The following MPHOSPH9 variants were observed in gnomAD, a reference collection of about 807,000 sequenced individuals.
MPHOSPH9 encodes the protein M-phase phosphoprotein 9.
Under a neutral mutation model 145.5 loss-of-function variants are expected in MPHOSPH9, and 88 were observed. The ratio of observed to expected loss-of-function variants is 0.60; its 90% CI spans 0.51 to 0.72. The LOEUF (loss-of-function observed/expected upper bound fraction) is 0.72, where lower values mean the gene tolerates loss of function less well. MPHOSPH9 is among the 30% of genes least tolerant of loss of function. The pLI is 0.00. For synonymous variants in MPHOSPH9, 435 were observed against 486.2 expected (o/e 0.89, Z 1.39); for missense variants, 1,238 against 1,386.6 (o/e 0.89, Z 1.70).
intron 16 of MPHOSPH9, among the ~76,000 whole-genome samples, chr12:123,168,626 G>T (rs550767913): frequency 6.6e-6 from 1 of 152,032 alleles, no homozygotes; most frequent in South Asian, 2.1e-4. Context: ...ACAGGTGTGC[G>T]CCAACGCACC....
upstream of MPHOSPH9, among the ~76,000 whole-genome samples, chr12:123,235,195 T>G (rs2047825540): frequency 6.6e-6 from 1 of 152,208 alleles, no homozygotes; most frequent in African/African-American, 2.4e-5. Context: ...TGTATGATTT[T>G]GTTCGCACTC....
rs1367039368 is a variant in MPHOSPH9, at chr12:123,166,745, G to T, written c.2501C>A (p.Pro834Gln). ...AGTAAAGATGGAATACTCTGCACCT[G>T]GAATCAGCCATTTCCGCCTGCTGAC... ...SDVSRRKWLI[P>Q]GAEYSIFTGQ... The change falls in exon 17 of 24, where the codon CCA (proline) becomes CAA (glutamine). Residue 834 changes from proline (P) to glutamine (Q), a missense_variant. Around this residue, in one of 3 missense-constraint regions of MPHOSPH9, gnomAD observed 393 missense variants for 462.5 expected, o/e 0.85. Coordinates refer to ENST00000606320, the MANE Select transcript of MPHOSPH9 (RefSeq NM_022782.4). 1 of 1,613,968 alleles carries T rather than the reference G, an allele frequency of 6.2e-7. No homozygotes were observed.
chr12:123,168,135 A>C (rs921268667), intron 16 of MPHOSPH9, among the ~76,000 whole-genome samples: 6 of 152,018 alleles, frequency 3.9e-5, no homozygotes, highest in African/African-American at 1.4e-4. Flanking sequence ...ATCTACCCTG[A>C]AGTCCACACT....
At chr12:123,162,278 C>A in intron 20 of MPHOSPH9, 60 bp from the exon 21 acceptor site, 1 of 882,564 alleles carries the variant, frequency 1.1e-6, no homozygotes, top group Non-Finnish European at 1.7e-6. Context: ...TCCCTATCTC[C>A]ACTACAAAGA....
intron 11 of MPHOSPH9, among the ~76,000 whole-genome samples, chr12:123,200,326 G>A (rs1331936177): frequency 6.6e-6 from 1 of 150,982 alleles, no homozygotes; most frequent in African/African-American, 2.4e-5. Context: ...CCATAAGCCA[G>A]ATCAAATCTT....
At chr12:123,237,017 G>A (rs938701137), upstream of MPHOSPH9, among the ~76,000 whole-genome samples, 2 of 152,030 alleles carry the variant, frequency 1.3e-5, no homozygotes, top group South Asian at 2.1e-4. Flanking sequence ...TCTGGAAGGC[G>A]GAGGTTGCAG....
At chr12:123,206,184 C>T in intron 8 of MPHOSPH9, among the ~76,000 whole-genome samples, 1 of 151,948 alleles carries the variant, frequency 6.6e-6, no homozygotes, top group South Asian at 2.1e-4. Flanking sequence ...CATAGTGGTT[C>T]ACATTTGTAA....
intron 16 of MPHOSPH9, among the ~76,000 whole-genome samples, chr12:123,168,401 G>A (rs1017321945): frequency 2.0e-5 from 3 of 151,080 alleles, no homozygotes; most frequent in Non-Finnish European, 4.4e-5. Context: ...GAGTACGGTG[G>A]CGTGATCTCG....
At chr12:123,223,236 AT>A in intron 3 of MPHOSPH9, 109 bp from the exon 4 acceptor site, 1 of 596,790 alleles carries the variant, frequency 1.7e-6, no homozygotes, top group Non-Finnish European at 2.6e-6. Flanking sequence ...TCCATCCCAA[AT>A]CCCAAGAGCC....
At chr12:123,195,160 A>G (rs913796317) in intron 12 of MPHOSPH9, among the ~76,000 whole-genome samples, 3 of 152,160 alleles carry the variant, frequency 2.0e-5, no homozygotes, top group Admixed American at 1.3e-4. Context: ...TAGCTCCTAC[A>G]GTTCACTTTA....
chr12:123,219,460 G>A (rs1013506026), intron 5 of MPHOSPH9, among the ~76,000 whole-genome samples: 2 of 150,840 alleles, frequency 1.3e-5, no homozygotes, highest in African/African-American at 4.9e-5. Flanking sequence ...GGCTGAGGCA[G>A]GAGAATGGCG....
Position 123,224,105 on chromosome 12 carries a change from C to T in MPHOSPH9, c.259-978G>A, listed in dbSNP as rs553477192. 3.1e-5 allele frequency among the ~76,000 whole-genome samples: 4 copies of T among 128,500 alleles called. No individual in the cohort carries two copies. The East Asian group carries it at 1.2e-3, about 39-fold the overall frequency. The allele number at this position is 128,500 out of a possible 152,430, so 84.3% of individuals were successfully genotyped here. On this transcript the variant is annotated intron_variant, in intron 3 of 23. Coordinates refer to ENST00000606320, the MANE Select transcript of MPHOSPH9 (RefSeq NM_022782.4). ...ATGTGTCACCATGTTCGGCTAATTG[C>T]TAATTTATATATATATATATACACA...
At chr12:123,193,108 T>TACAC (rs4044136) in intron 13 of MPHOSPH9, among the ~76,000 whole-genome samples, 2,329 of 94,862 alleles carry the variant, frequency 0.025, 108 homozygotes, top group African/African-American at 0.077. Context: ...TATATATATA[T>TACAC]ACACACACAC....
At chr12:123,169,108 T>G (rs1011667193) in intron 16 of MPHOSPH9, among the ~76,000 whole-genome samples, 2 of 151,368 alleles carry the variant, frequency 1.3e-5, no homozygotes, top group African/African-American at 4.8e-5. Flanking sequence ...AGGATGGTCT[T>G]GATCTGCTGA....
intron 12 of MPHOSPH9, among the ~76,000 whole-genome samples, chr12:123,196,302 A>T (rs774044039): frequency 2.0e-5 from 3 of 151,992 alleles, no homozygotes; most frequent in Admixed American, 6.6e-5. Flanking sequence ...GTGAGCCAAG[A>T]TCGCACCATT....
intron 16 of MPHOSPH9, among the ~76,000 whole-genome samples, chr12:123,168,967 C>T (rs1239862353): frequency 6.6e-6 from 1 of 151,654 alleles, no homozygotes; most frequent in Non-Finnish European, 1.5e-5. Context: ...TCACGGCAAG[C>T]TCTGCCTCTT....
At chr12:123,153,764 C>A (rs79889836), downstream of MPHOSPH9, among the ~76,000 whole-genome samples, 9 of 109,318 alleles carry the variant, frequency 8.2e-5, no homozygotes, top group African/African-American at 2.4e-4. Context: ...GACTCCATCT[C>A]AAAAAAAAAA....
chr12:123,186,887 G>A (rs1335938058), intron 13 of MPHOSPH9, among the ~76,000 whole-genome samples: 1 of 152,182 alleles, frequency 6.6e-6, no homozygotes, highest in East Asian at 1.9e-4. Flanking sequence ...TTTGAACCCA[G>A]GAAGTGGAGG....
chr12:123,157,050 A>C, intron 23 of MPHOSPH9, 142 bp from the exon 24 acceptor site: 1 of 539,262 alleles, frequency 1.9e-6, no homozygotes, highest in East Asian at 2.8e-5. Context: ...GAAACATCTT[A>C]TGATTTCTTT....
Sources: allele counts gnomAD v4.1 joint callset (sites outside exome capture counted in the v4.1 genomes callset), GRCh38; gene constraint gnomAD v4.1.1; regional missense constraint gnomAD v4.1.1; transcripts MANE v1.5; gene names NCBI Gene and HGNC (gene_info 2026-07-23, HGNC 2026-07-21).